The following MAP2 variants were observed in gnomAD, a reference collection of about 807,000 sequenced individuals.
The protein encoded by MAP2 is microtubule-associated protein 2.
In MAP2, 14 loss-of-function variants were observed where a neutral mutation model predicts 137.6. The observed-to-expected ratio is 0.10, with a 90% CI of 0.07 to 0.16. The LOEUF is 0.16. MAP2 is among the 10% of genes least tolerant of loss of function. The pLI, the probability that MAP2 is intolerant of heterozygous loss-of-function variation, is 1.00. For synonymous variants in MAP2, 786 were observed against 782.3 expected (o/e 1.00, Z -0.08); for missense variants, 2,088 against 2,191.5 (o/e 0.95, Z 0.94).
At chr2:209,464,734 GTT>G (rs1703707555) in intron 1 of MAP2, among the ~76,000 whole-genome samples, 1 of 151,942 alleles carries the variant, frequency 6.6e-6, no homozygotes, top group African/African-American at 2.4e-5. Flanking sequence ...AAAAATAACT[GTT>G]TATCTAGTTA....
intron 3 of MAP2, among the ~76,000 whole-genome samples, chr2:209,602,818 A>G (rs775027807): frequency 6.6e-5 from 10 of 152,170 alleles, no homozygotes; most frequent in Admixed American, 6.5e-5. Context: ...CTCTAAGTCA[A>G]TATTACACAT....
intron 2 of MAP2, among the ~76,000 whole-genome samples, chr2:209,540,763 A>G (rs1291238474): frequency 4.0e-5 from 6 of 150,418 alleles, no homozygotes; most frequent in South Asian, 4.2e-4. Flanking sequence ...ACTCCAAAGT[A>G]TCTAATGCAC....
intron 2 of MAP2, among the ~76,000 whole-genome samples, chr2:209,569,810 G>C (rs2074089871): frequency 1.3e-5 from 2 of 151,858 alleles, no homozygotes; most frequent in Middle Eastern, 3.4e-3. Flanking sequence ...AATAAAATAA[G>C]GGTAGTGATT....
At chr2:209,523,550 C>T (rs976650038) in intron 2 of MAP2, among the ~76,000 whole-genome samples, 1 of 152,156 alleles carries the variant, frequency 6.6e-6, no homozygotes, top group African/African-American at 2.4e-5. Context: ...CTAGGCCCTT[C>T]TCTTGCCCAT....
At chr2:209,514,402 T>C (rs2062166420) in intron 2 of MAP2, among the ~76,000 whole-genome samples, 1 of 152,090 alleles carries the variant, frequency 6.6e-6, no homozygotes, top group Admixed American at 6.6e-5. Context: ...TTAAATGTAG[T>C]ATCAAATGGC....
chr2:209,613,179 A>T (rs2087605483), intron 3 of MAP2, among the ~76,000 whole-genome samples: 1 of 152,100 alleles, frequency 6.6e-6, no homozygotes, highest in Admixed American at 6.6e-5. Context: ...ACTAGACAGA[A>T]CCACCCAAAA....
chr2:209,652,002 G>GA (rs1459586639), intron 4 of MAP2, among the ~76,000 whole-genome samples: 1 of 151,866 alleles, frequency 6.6e-6, no homozygotes, highest in Non-Finnish European at 1.5e-5. Flanking sequence ...TACTTTTTTG[G>GA]AAAAAGGAAG....
intron 7 of MAP2, among the ~76,000 whole-genome samples, chr2:209,683,610 A>G (rs138345608): frequency 2.4e-3 from 367 of 152,332 alleles, no homozygotes; most frequent in Non-Finnish European, 4.0e-3. Context: ...GAACTGTTCA[A>G]TTTTTCAAAC....
chr2:209,497,885 T>G (rs905884785), intron 1 of MAP2, among the ~76,000 whole-genome samples: 4 of 152,168 alleles, frequency 2.6e-5, no homozygotes, highest in Non-Finnish European at 4.4e-5. Context: ...AACATGAGAA[T>G]TGGGTGGCGA....
intron 2 of MAP2, among the ~76,000 whole-genome samples, chr2:209,559,322 G>A (rs893683641): frequency 3.3e-5 from 5 of 151,104 alleles, no homozygotes; most frequent in South Asian, 4.2e-4. Flanking sequence ...ATTATATTTG[G>A]TGCCCAAATT....
At chr2:209,561,721 CAACA>C (rs1463094142) in intron 2 of MAP2, among the ~76,000 whole-genome samples, 1 of 152,174 alleles carries the variant, frequency 6.6e-6, no homozygotes, top group Non-Finnish European at 1.5e-5. Context: ...ACAATCCAAT[CAACA>C]AATGAATTAC....
intron 4 of MAP2, among the ~76,000 whole-genome samples, chr2:209,649,758 T>C (rs2094654200): frequency 1.3e-5 from 2 of 152,218 alleles, no homozygotes; most frequent in East Asian, 1.9e-4. Context: ...GTAATCTGCA[T>C]ACATTTTAAG....
chr2:209,598,592 TC>T (rs1424931188), intron 3 of MAP2, among the ~76,000 whole-genome samples: 11 of 105,334 alleles, frequency 1.0e-4, no homozygotes, highest in African/African-American at 2.9e-4. Flanking sequence ...ATGCTATCCC[TC>T]CCCCCTCCCC....
chr2:209,694,030 T>G lies in MAP2; in HGVS notation c.1860T>G (p.Phe620Leu). Reference sequence around the variant, plus strand: ...TGCATAAAAATGGTGACAAGGAGTTTCAAACAGGAAAAGAATCCCAGCCCA... The same window carrying G: ...TGCATAAAAATGGTGACAAGGAGTTGCAAACAGGAAAAGAATCCCAGCCCA... ...SPMHKNGDKE[F>L]QTGKESQPSP... Residue 620 changes from phenylalanine (F) to leucine (L), a missense_variant, in exon 8 of 16, where the codon TTT (phenylalanine) becomes TTG (leucine). Around this residue, in one of 6 missense-constraint regions of MAP2, gnomAD observed 859 missense variants for 794.5 expected, o/e 1.08. Transcript: ENST00000682079. 2 of 1,613,800 alleles carry G rather than the reference T, an allele frequency of 1.2e-6. No homozygotes were observed. Among genetic ancestry groups the G allele is most frequent in the Non-Finnish European group, 1.7e-6 (2 of 1,179,942 alleles).
intron 2 of MAP2, among the ~76,000 whole-genome samples, chr2:209,549,927 G>C (rs1231683814): frequency 6.6e-6 from 1 of 152,172 alleles, no homozygotes; most frequent in African/African-American, 2.4e-5. Context: ...CGTCTTTACA[G>C]TTGGTGGTGA....
At chr2:209,648,788 C>CAAA (rs767514301) in intron 4 of MAP2, among the ~76,000 whole-genome samples, 6 of 80,518 alleles carry the variant, frequency 7.5e-5, no homozygotes, top group South Asian at 3.9e-4. Flanking sequence ...GACTCCGTCT[C>CAAA]AAAAAAAAAA....
At chr2:209,721,720 T>G (rs1346007126) in intron 13 of MAP2, among the ~76,000 whole-genome samples, 2 of 152,224 alleles carry the variant, frequency 1.3e-5, no homozygotes, top group East Asian at 3.8e-4. Context: ...GATTTCATGT[T>G]TGGCTTGTGA....
chr2:209,598,096 C>T (rs1201960657), intron 3 of MAP2, among the ~76,000 whole-genome samples: 1 of 152,102 alleles, frequency 6.6e-6, no homozygotes, highest in Non-Finnish European at 1.5e-5. Flanking sequence ...ACCTCTGCCT[C>T]CCAGGTTCAA....
chr2:209,451,296 A>AT (rs1436223305), intron 1 of MAP2, among the ~76,000 whole-genome samples: 1 of 152,204 alleles, frequency 6.6e-6, no homozygotes, highest in Non-Finnish European at 1.5e-5. Flanking sequence ...GCGTCTGCCC[A>AT]TCAGGCTGCT....
Sources: allele counts gnomAD v4.1 joint callset (sites outside exome capture counted in the v4.1 genomes callset), GRCh38; gene constraint gnomAD v4.1.1; regional missense constraint gnomAD v4.1.1; transcripts MANE v1.5; gene names NCBI Gene and HGNC (gene_info 2026-07-23, HGNC 2026-07-21).